The following NOCT variants were observed in gnomAD, a reference collection of about 807,000 sequenced individuals.
NOCT encodes nocturnin, also known as CCR4 carbon catabolite repression 4-like.
In NOCT, 18 loss-of-function variants were observed where a neutral mutation model predicts 35.0. That is an observed-to-expected ratio of 0.51 (90% CI 0.36 to 0.76). NOCT has a LOEUF of 0.76. Among genes scored for constraint, NOCT ranks in the 30% least tolerant of loss-of-function variants. NOCT has a pLI of 0.01. For synonymous variants in NOCT, 235 were observed against 226.3 expected (o/e 1.04, Z -0.34); for missense variants, 479 against 541.0 (o/e 0.89, Z 1.14).
At chr4:139,042,176 G>A (rs1027074337) in intron 1 of NOCT, among the ~76,000 whole-genome samples, 4 of 140,046 alleles carry the variant, frequency 2.9e-5, no homozygotes, top group Admixed American at 8.1e-5. Context: ...CAAGCAATTC[G>A]CCTGCCTCAG....
intron 1 of NOCT, among the ~76,000 whole-genome samples, chr4:139,039,763 CTA>C (rs1726801323): frequency 2.6e-5 from 4 of 152,088 alleles, no homozygotes; most frequent in Non-Finnish European, 5.9e-5. Flanking sequence ...GAGTATCGCT[CTA>C]TTGCCAGGCT....
chr4:139,039,755 G>T (rs1260901302), intron 1 of NOCT, among the ~76,000 whole-genome samples: 1 of 152,048 alleles, frequency 6.6e-6, no homozygotes, highest in Non-Finnish European at 1.5e-5. Flanking sequence ...TTGAGATGGA[G>T]TATCGCTCTA....
intron 1 of NOCT, among the ~76,000 whole-genome samples, chr4:139,041,442 CATACAGAGA>C (rs1464056568): frequency 1.3e-5 from 2 of 152,170 alleles, no homozygotes; most frequent in Admixed American, 1.3e-4. Flanking sequence ...CAGCATTTAT[CATACAGAGA>C]ATCTTGGATG....
chr4:139,019,389 C>A (rs533971979), intron 1 of NOCT, among the ~76,000 whole-genome samples: 22 of 152,290 alleles, frequency 1.4e-4, no homozygotes, highest in Middle Eastern at 3.4e-3. Flanking sequence ...ATTCTTGGAT[C>A]CTACTGTAGA....
intron 1 of NOCT, among the ~76,000 whole-genome samples, chr4:139,021,919 C>A (rs1413941362): frequency 6.6e-6 from 1 of 151,994 alleles, no homozygotes; most frequent in East Asian, 1.9e-4. Flanking sequence ...CCACCATGCC[C>A]GGCTAATTTT....
rs189158077 is a variant in NOCT, at chr4:139,023,998, C to T, written c.190+7827C>T. ...CTCTTGTTCTCATGTTCTTGAACTC[C>T]TGTTAGATTGTTGGCCATATGGATC... On this transcript the variant is annotated intron_variant, in intron 1 of 2. Transcript: ENST00000280614. 5.1e-3 allele frequency among the ~76,000 whole-genome samples: 763 copies of T among 149,970 alleles called. 8 individuals are homozygous for T. Among genetic ancestry groups the T allele is most frequent in the African/African-American group, 0.018 (737 of 40,840 alleles).
At chr4:139,027,253 C>T (rs933204194) in intron 1 of NOCT, among the ~76,000 whole-genome samples, 10 of 151,672 alleles carry the variant, frequency 6.6e-5, no homozygotes, top group Admixed American at 3.3e-4. Flanking sequence ...CAGCTCACTG[C>T]AGGCTCAGCC....
chr4:139,044,736 C>T lies in NOCT; in HGVS notation c.558C>T (p.Tyr186=), dbSNP rs1305947261. Residue 186 remains tyrosine, a synonymous_variant, in exon 3 of 3, where the codon TAC becomes TAT. Coordinates refer to ENST00000280614, the MANE Select transcript of NOCT (RefSeq NM_012118.4). ...TCATCCTGGAAGAAATCCTGGCCTA[C>T]CAGCCTGATATATTGTGCCTCCAAG... ...KCLILEEILA[Y]QPDILCLQEV... is the part of the protein sequence containing the mutation. 2 of 1,614,166 alleles carry T rather than the reference C, an allele frequency of 1.2e-6. No individual in the cohort carries two copies. Among genetic ancestry groups the T allele is most frequent in the Non-Finnish European group, 1.7e-6 (2 of 1,179,982 alleles).
chr4:139,026,485 C>T (rs1726517744), intron 1 of NOCT, among the ~76,000 whole-genome samples: 4 of 152,074 alleles, frequency 2.6e-5, no homozygotes, highest in Admixed American at 2.6e-4. Flanking sequence ...GCCTCAGCCT[C>T]CCGAGTAGCT....
chr4:139,022,927 C>T (rs1404586936), intron 1 of NOCT, among the ~76,000 whole-genome samples: 4 of 151,958 alleles, frequency 2.6e-5, no homozygotes, highest in Admixed American at 2.6e-4. Context: ...GGCAAAAACC[C>T]CATCTTTATG....
intron 1 of NOCT, among the ~76,000 whole-genome samples, chr4:139,017,351 C>T (rs1385617953): frequency 6.6e-6 from 1 of 150,962 alleles, no homozygotes; most frequent in Admixed American, 6.6e-5. Flanking sequence ...CCTCAACCTC[C>T]CGAGAAGCTG....
chr4:139,017,265 T>C (rs905650903), intron 1 of NOCT, among the ~76,000 whole-genome samples: 1 of 148,760 alleles, frequency 6.7e-6, no homozygotes, highest in Admixed American at 6.7e-5. Context: ...TTTGCTCTTA[T>C]TTCCCAGGCT....
Position 139,045,740 on chromosome 4 carries a change from TCTC to T in NOCT, c.*269_*271del. ...ACCGTGTTAGCCAGGATGGTCTCGA[TCTC>T]CTGACCTTGAATCACAAGAGTCTTA... is the stretch of plus-strand genomic sequence containing the variant. On this transcript the variant is annotated 3_prime_UTR_variant, in exon 3 of 3. Coordinates refer to ENST00000280614, the MANE Select transcript of NOCT (RefSeq NM_012118.4). The T allele has an allele frequency of 3.4e-6, 1 of 291,970 alleles. No homozygotes were observed. The highest frequency in any genetic ancestry group is 6.3e-6 in the Non-Finnish European group (1 of 158,022). The allele number at this position is 291,970 out of a possible 1,614,324, so 18.1% of individuals were successfully genotyped here.
Position 139,045,345 on chromosome 4 carries a change from G to T in NOCT, c.1167G>T (p.Arg389Ser). 1 of 1,613,942 alleles carries T rather than the reference G, an allele frequency of 6.2e-7. No individual in the cohort carries two copies. Among genetic ancestry groups the T allele is most frequent in the Non-Finnish European group, 8.5e-7 (1 of 1,179,956 alleles). ...IWYSKHALNV[R>S]SALDLLTEEQ... ...ATTCTAAACATGCTCTAAATGTAAG[G>T]TCAGCTCTCGATCTGCTCACTGAAG... Residue 389 changes from arginine (R) to serine (S), a missense_variant, in exon 3 of 3, where the codon AGG (arginine) becomes AGT (serine). Coordinates refer to ENST00000280614, the MANE Select transcript of NOCT (RefSeq NM_012118.4).
intron 1 of NOCT, among the ~76,000 whole-genome samples, chr4:139,028,698 C>T (rs1209774386): frequency 1.3e-5 from 2 of 152,338 alleles, no homozygotes; most frequent in Admixed American, 1.3e-4. Context: ...TAACTTTCTC[C>T]AGGGCCAGCC....
intron 1 of NOCT, chr4:139,028,372 A>T (rs1197697797): frequency 6.6e-6 from 1 of 152,178 alleles, no homozygotes; most frequent in Non-Finnish European, 1.5e-5. Context: ...GGTTGTTTGG[A>T]TTGTCACACT....
chr4:139,030,809 A>G (rs1452918777), intron 1 of NOCT, among the ~76,000 whole-genome samples: 1 of 152,202 alleles, frequency 6.6e-6, no homozygotes, highest in African/African-American at 2.4e-5. Context: ...TTCAACACGC[A>G]TGGCCAGTAG....
chr4:139,024,067 A>T (rs56084855), intron 1 of NOCT, among the ~76,000 whole-genome samples: 4,402 of 68,778 alleles, frequency 0.064, 180 homozygotes, highest in African/African-American at 0.19. Context: ...TTTTTTTTTT[A>T]AATTATTTTA....
intron 1 of NOCT, among the ~76,000 whole-genome samples, chr4:139,038,196 C>CAAATAAAT (rs547458958): frequency 4.3e-4 from 65 of 150,646 alleles, no homozygotes; most frequent in African/African-American, 1.6e-3. Context: ...GAGACTGTCT[C>CAAATAAAT]AAATAAATAA....
Sources: gnomAD v4.1 joint callset for allele counts (sites outside exome capture counted in the v4.1 genomes callset) on GRCh38, gnomAD v4.1.1 for gene constraint, MANE v1.5 for transcripts, NCBI Gene and HGNC (gene_info 2026-07-23, HGNC 2026-07-21) for gene names.